The following BNIPL variants were observed in gnomAD, a reference collection of about 807,000 sequenced individuals.
The protein encoded by BNIPL is bcl-2/adenovirus E1B 19 kDa-interacting protein 2-like protein.
Under a neutral mutation model 47.0 loss-of-function variants are expected in BNIPL, and 33 were observed. The ratio of observed to expected loss-of-function variants is 0.70; its 90% CI spans 0.53 to 0.94. BNIPL has a LOEUF of 0.94. BNIPL is among the 40% of genes least tolerant of loss of function. BNIPL has a pLI of 0.00. For missense variants in BNIPL, 404 were observed against 445.2 expected (o/e 0.91, Z 0.83); for synonymous variants, 145 against 162.7 (o/e 0.89, Z 0.83).
intron 1 of BNIPL, among the ~76,000 whole-genome samples, chr1:151,037,140 C>A (rs973908539): frequency 2.6e-5 from 4 of 152,194 alleles, no homozygotes; most frequent in African/African-American, 9.7e-5. Context: ...TCCTTACCTT[C>A]TTCCTCCACC....
intron 7 of BNIPL, chr1:151,045,155 C>A: frequency 4.8e-6 from 1 of 209,938 alleles, no homozygotes; most frequent in Non-Finnish European, 9.1e-6. Context: ...ATAATCCCAG[C>A]TACTCGGGAG....
At chr1:151,042,894 G>T (rs1675877414) in intron 4 of BNIPL, 62 bp from the exon 5 acceptor site, 1 of 1,321,890 alleles carries the variant, frequency 7.6e-7, no homozygotes, top group Non-Finnish European at 1.0e-6. Flanking sequence ...ATCTGAGGAA[G>T]TTACAAAAAA....
chr1:151,044,048 G>A lies in BNIPL; in HGVS notation c.851+321G>A, dbSNP rs1001111405. The stretch of plus-strand genomic sequence containing the variant: ...CATCCAGACTGGAGTGCAGTGGCAC[G>A]ATCTCGGCTCACTGCCACCTCTGCC... On this transcript the variant is annotated intron_variant, in intron 7 of 9. Transcript: ENST00000368931. 3.9e-5 allele frequency among the ~76,000 whole-genome samples: 6 copies of A among 152,114 alleles called. No individual in the cohort carries two copies. The South Asian group carries it at 1.0e-3, about 26-fold the overall frequency.
chr1:151,043,249 TCA>T lies in BNIPL; in HGVS notation c.617-82_617-81del. The T allele has an allele frequency of 2.0e-6, 3 of 1,512,566 alleles. No homozygotes were observed. In the Admixed American group the frequency reaches 5.0e-5, roughly 25 times the overall value. 93.7% of individuals were successfully genotyped at this position (1,512,566 alleles called of 1,614,324 possible). A position where few individuals can be genotyped will look rare whatever the true frequency, so the allele number is the denominator to read the frequency against. ...TCTATCCTGGAACTTCCAGAGACCC[TCA>T]GAGTCCCTCAACTTAAACAGATATA... On this transcript the variant is annotated intron_variant, in intron 5 of 9. Transcript: ENST00000368931.
chr1:151,041,411 T>C (rs1331678915), intron 4 of BNIPL, among the ~76,000 whole-genome samples: 1 of 152,074 alleles, frequency 6.6e-6, no homozygotes, highest in African/African-American at 2.4e-5. Context: ...TCAGGGCTGA[T>C]AGAGAAGAAA....
intron 4 of BNIPL, among the ~76,000 whole-genome samples, chr1:151,040,381 A>G (rs2102961881): frequency 6.6e-6 from 1 of 151,948 alleles, no homozygotes; most frequent in Non-Finnish European, 1.5e-5. Context: ...GGGTCTTGCT[A>G]TGTTGCCCAG....
intron 4 of BNIPL, among the ~76,000 whole-genome samples, chr1:151,041,301 T>A (rs1170168176): frequency 2.0e-5 from 3 of 151,966 alleles, no homozygotes; most frequent in Non-Finnish European, 4.4e-5. Flanking sequence ...CAAGGCCAGG[T>A]GAGAAATACT....
chr1:151,044,995 T>C, intron 7 of BNIPL: 1 of 1,266,506 alleles, frequency 7.9e-7, no homozygotes. Flanking sequence ...TCGGGCGCGG[T>C]GGCTCACGTC....
At chr1:151,044,993 G>A (rs921356923) in intron 7 of BNIPL, 10 of 1,266,732 alleles carry the variant, frequency 7.9e-6, no homozygotes, top group Middle Eastern at 2.2e-4. Context: ...GGTCGGGCGC[G>A]GTGGCTCACG....
In BNIPL at chr1:151,038,673, C is replaced by A. The variant is rs587736346; in HGVS notation, c.202+105C>A. ...TCCATTTCCCCCTTTTCCCAAATCTCCCCTGCGTGAGTCCTTCTTCAGCAT... is the reference window on the plus strand; with the variant it reads ...TCCATTTCCCCCTTTTCCCAAATCTACCCTGCGTGAGTCCTTCTTCAGCAT... On this transcript the variant is annotated intron_variant, in intron 3 of 9. Coordinates refer to ENST00000368931, the MANE Select transcript of BNIPL (RefSeq NM_138278.4). The A allele has an allele frequency of 3.1e-5, 49 of 1,577,518 alleles. No individual in the cohort carries two copies. In the South Asian group the frequency reaches 4.1e-4, roughly 13 times the overall value.
At chr1:151,040,698 G>T (rs943871996) in intron 4 of BNIPL, among the ~76,000 whole-genome samples, 1 of 151,788 alleles carries the variant, frequency 6.6e-6, no homozygotes, top group Non-Finnish European at 1.5e-5. Context: ...GGGAGGCTGA[G>T]GCAGGAGAAT....
chr1:151,045,813 C>T lies in BNIPL; in HGVS notation c.868C>T (p.Arg290Ter), dbSNP rs774049101. ...GTTTTTCAGGCTACGGAAAAACCTG[C>T]GAGCCCTGGTGGTTGTCCATGCTAC... ...TLDRRLRKNL[R>*]ALVVVHATWY... Residue 290 changes from arginine (R) to a stop codon, truncating the protein, a stop_gained, in exon 8 of 10, where the codon CGA becomes TGA. Transcript: ENST00000368931. LOFTEE classifies it high-confidence loss of function. The T allele has an allele frequency of 1.5e-5, 25 of 1,613,998 alleles. No homozygotes were observed. Among genetic ancestry groups the T allele is most frequent in the South Asian group, 7.7e-5 (7 of 91,070 alleles).
In BNIPL at chr1:151,046,753, T is replaced by A. The variant is rs1676040384; in HGVS notation, c.*66T>A. 17 of 1,345,508 alleles carry A rather than the reference T, an allele frequency of 1.3e-5. No individual in the cohort carries two copies. The South Asian group carries it at 2.1e-4, about 17-fold the overall frequency. 83.3% of individuals were successfully genotyped at this position (1,345,508 alleles called of 1,614,324 possible). ...TGCCTACACCTGAATCCCTGAAACA[T>A]CTGAACTGTTTTGTAAATCATCTTA... On this transcript the variant is annotated 3_prime_UTR_variant, in exon 10 of 10. Coordinates refer to ENST00000368931, the MANE Select transcript of BNIPL (RefSeq NM_138278.4).
chr1:151,044,328 G>A (rs936813726), intron 7 of BNIPL, among the ~76,000 whole-genome samples: 2 of 152,166 alleles, frequency 1.3e-5, no homozygotes, highest in Non-Finnish European at 2.9e-5. Context: ...TTATACTTTT[G>A]CCACTGGGTA....
rs1675663368 is a variant in BNIPL at position 151,037,667 on chromosome 1, G to A, written c.137+5G>A. ...GCAGGATGAAGAATTCCCTAGGTGAGGACGTGTGAGGGTGGCTGGGAGAAG... is the reference window on the plus strand; with the variant it reads ...GCAGGATGAAGAATTCCCTAGGTGAAGACGTGTGAGGGTGGCTGGGAGAAG... On this transcript the variant is annotated splice_donor_5th_base_variant and intron_variant, in intron 2 of 9. Transcript: ENST00000368931. 2 of 1,586,278 alleles carry A rather than the reference G, an allele frequency of 1.3e-6. No homozygotes were observed. The highest frequency in any genetic ancestry group is 1.7e-6 in the Non-Finnish European group (2 of 1,164,806).
chr1:151,040,308 T>C (rs587670864), intron 4 of BNIPL, among the ~76,000 whole-genome samples: 2 of 151,680 alleles, frequency 1.3e-5, no homozygotes, highest in East Asian at 2.0e-4. Context: ...GCCTCCCAAG[T>C]ATCTGGGACT....
Position 151,037,560 on chromosome 1 carries a change from G to A in BNIPL, c.42-7G>A, listed in dbSNP as rs1441862209. ...CCTTGATCTTTTCTTCTTGGGGGCT[G>A]TCTTAGGGTCAGGGAGATTGCAGAA... On this transcript the variant is annotated splice_region_variant and splice_polypyrimidine_tract_variant and intron_variant, in intron 1 of 9. Transcript: ENST00000368931. 12 of 1,599,304 alleles carry A rather than the reference G, an allele frequency of 7.5e-6. No individual in the cohort carries two copies. The highest frequency in any genetic ancestry group is 1.0e-5 in the Non-Finnish European group (12 of 1,172,642).
At chr1:151,038,743 C>A in intron 3 of BNIPL, 53 bp from the exon 4 acceptor site, 1 of 1,552,118 alleles carries the variant, frequency 6.4e-7, no homozygotes, top group Non-Finnish European at 8.7e-7. Flanking sequence ...CTAGCCCTCT[C>A]GGCTCTCCAA....
At position 151,043,692 on chromosome 1, in the gene BNIPL, C is replaced by G; in HGVS notation, c.816C>G (p.Ser272Arg). 6.2e-7 allele frequency: 1 copy of G among 1,613,984 alleles called. No homozygotes were observed. The highest frequency in any genetic ancestry group is 8.5e-7 in the Non-Finnish European group (1 of 1,179,846). Residue 272 changes from serine (S) to arginine (R), a missense_variant, in exon 7 of 10, where the codon AGC (serine) becomes AGG (arginine). Physicochemically the swap from Ser to Arg is moderately radical, Grantham distance 110. Transcript: ENST00000368931. ...GTSRAQVPPL[S>R]WIRQCYRTLD... is the part of the protein sequence containing the mutation. ...GCAGGGCCCAAGTTCCACCTCTAAG[C>G]TGGATACGTCAGTGTTACCGTACCC...
Sources: gnomAD v4.1 joint callset for allele counts (sites outside exome capture counted in the v4.1 genomes callset) on GRCh38, gnomAD v4.1.1 for gene constraint, MANE v1.5 for transcripts, NCBI Gene and HGNC (gene_info 2026-07-23, HGNC 2026-07-21) for gene names.